Variants in KAZN observed in about 807,000 individuals in gnomAD.
KAZN encodes kazrin.
KAZN carries 40 observed loss-of-function variants against 87.4 expected under a neutral mutation model. The observed-to-expected ratio is 0.46, with a 90% CI of 0.36 to 0.60. KAZN has a LOEUF of 0.60. Ranked by LOEUF, KAZN falls within the 20% of genes least tolerant of loss-of-function variation. KAZN has a pLI of 0.00. For synonymous variants in KAZN, 466 were observed against 458.3 expected (o/e 1.02, Z -0.22); for missense variants, 898 against 1,073.9 (o/e 0.84, Z 2.29).
At chr1:15,032,871 C>A (rs1015246998) in intron 2 of KAZN, among the ~76,000 whole-genome samples, 2 of 151,994 alleles carry the variant, frequency 1.3e-5, no homozygotes, top group African/African-American at 4.8e-5. Context: ...ATCACTCGAA[C>A]CCGGGAGGCG....
intron 2 of KAZN, among the ~76,000 whole-genome samples, chr1:14,574,785 C>G (rs1030976358): frequency 8.5e-5 from 13 of 152,130 alleles, no homozygotes; most frequent in African/African-American, 3.1e-4. Context: ...CCCTTGTGAG[C>G]TTTCAGCCCA....
At chr1:14,506,729 T>C (rs10754860) in intron 2 of KAZN, among the ~76,000 whole-genome samples, 123,293 of 152,220 alleles carry the variant, frequency 0.81, 50,210 homozygotes, top group South Asian at 0.84. Context: ...TCAAACACGG[T>C]GCCAGGGACA....
At chr1:14,924,381 C>G in intron 1 of KAZN, 1 of 989,236 alleles carries the variant, frequency 1.0e-6, no homozygotes, top group Non-Finnish European at 1.2e-6. Flanking sequence ...GCGGCCGACT[C>G]GGGCTCGTGG....
intron 2 of KAZN, among the ~76,000 whole-genome samples, chr1:14,325,473 A>G (rs1265042635): frequency 6.6e-6 from 1 of 152,214 alleles, no homozygotes; most frequent in Admixed American, 6.5e-5. Flanking sequence ...ATCACTGGAC[A>G]CAGCTGATCT....
intron 1 of KAZN, among the ~76,000 whole-genome samples, chr1:14,091,039 G>C (rs918337855): frequency 1.3e-5 from 2 of 150,398 alleles, no homozygotes; most frequent in African/African-American, 2.5e-5. Flanking sequence ...TTGAACCCAG[G>C]AGGCAGAGGT....
At chr1:14,227,764 C>G (rs1423586257) in intron 2 of KAZN, among the ~76,000 whole-genome samples, 1 of 152,186 alleles carries the variant, frequency 6.6e-6, no homozygotes, top group East Asian at 1.9e-4. Context: ...AAATTTCCAA[C>G]AAAACAGCGG....
chr1:14,144,607 T>C (rs1570859021), intron 1 of KAZN, among the ~76,000 whole-genome samples: 1 of 152,102 alleles, frequency 6.6e-6, no homozygotes, highest in East Asian at 1.9e-4. Flanking sequence ...GTCCATTTTG[T>C]GTTGCTATAA....
At chr1:14,730,146 C>T (rs897117383) in intron 1 of KAZN, among the ~76,000 whole-genome samples, 2 of 152,050 alleles carry the variant, frequency 1.3e-5, no homozygotes, top group Non-Finnish European at 2.9e-5. Context: ...TGCAGTGGCG[C>T]GATCTCGGCT....
chr1:13,994,020 T>G lies in KAZN; in HGVS notation c.91+100264T>G, dbSNP rs143367302. Among the ~76,000 whole-genome samples, 462 of 152,366 alleles carry G rather than the reference T, an allele frequency of 3.0e-3. 4 individuals carry two copies. Among genetic ancestry groups the G allele is most frequent in the Non-Finnish European group, 1.1e-3 (76 of 68,036 alleles). On this transcript the variant is annotated intron_variant, in intron 1 of 16. Transcript: ENST00000636203. ...TCCATCTGGAATGAAGTCTGAATTTTTATCCAAAAAGGACCTCGTTCCACT... is the reference window on the plus strand; with the variant it reads ...TCCATCTGGAATGAAGTCTGAATTTGTATCCAAAAAGGACCTCGTTCCACT...
intron 2 of KAZN, among the ~76,000 whole-genome samples, chr1:14,194,024 A>G (rs981886830): frequency 6.6e-6 from 1 of 152,010 alleles, no homozygotes; most frequent in African/African-American, 2.4e-5. Context: ...CTTTCTTTTC[A>G]TCATCATTAC....
At chr1:14,758,145 TCCTCCCTTCCTC>T (rs1644625887) in intron 1 of KAZN, among the ~76,000 whole-genome samples, 1 of 99,840 alleles carries the variant, frequency 1.0e-5, no homozygotes, top group African/African-American at 4.7e-5. Context: ...CTTCCCTCCT[TCCTCCCTTCCTC>T]CCTCCCTCCC....
rs1047024203 is a variant in KAZN at position 14,949,822 on chromosome 1, G to A, written c.227-10862G>A. On this transcript the variant is annotated intron_variant, in intron 1 of 14. Coordinates refer to ENST00000376030, the MANE Select transcript of KAZN (RefSeq NM_201628.3). This position sits in a 1 kb window ranked among gnomAD's most constrained non-coding sequence, Gnocchi z 4.3. ...GTGAGGGGTGGGTGAAGGCATGCAG[G>A]AGAGTACAGGTTTTCTGGGGTGTGG... 2.6e-5 allele frequency among the ~76,000 whole-genome samples: 4 copies of A among 152,124 alleles called. No individual in the cohort carries two copies. In the South Asian group the frequency reaches 8.3e-4, roughly 32 times the overall value.
chr1:14,965,106 A>AC (rs1161277819), intron 2 of KAZN, among the ~76,000 whole-genome samples: 2 of 151,108 alleles, frequency 1.3e-5, no homozygotes, highest in Non-Finnish European at 2.9e-5. Context: ...ATCTCAGCTC[A>AC]CTGCAACCTC....
chr1:14,332,997 C>T (rs1180130025), intron 2 of KAZN, among the ~76,000 whole-genome samples: 2 of 152,182 alleles, frequency 1.3e-5, no homozygotes, highest in East Asian at 1.9e-4. Context: ...GTATTAAGCC[C>T]AGCATGCATT....
chr1:14,982,711 C>A (rs1198335536), intron 2 of KAZN, among the ~76,000 whole-genome samples: 1 of 152,178 alleles, frequency 6.6e-6, no homozygotes, highest in Non-Finnish European at 1.5e-5. Context: ...AGGCGTGAGC[C>A]ACTGTGCCTG....
Position 14,581,457 on chromosome 1 carries a change from T to C in KAZN, c.250-17526T>C, listed in dbSNP as rs139770633. Among the ~76,000 whole-genome samples the C allele has an allele frequency of 2.7e-4, 41 of 152,314 alleles. No homozygotes were observed. The East Asian group carries it at 7.5e-3, about 28-fold the overall frequency. ...CACCTTTTAAACCACCGTGGTACCC[T>C]GCTAGATATGGCAACAGCTGCCTAC... On this transcript the variant is annotated intron_variant, in intron 2 of 16. Transcript: ENST00000636203.
At chr1:14,933,871 G>A (rs1660134215) in intron 1 of KAZN, among the ~76,000 whole-genome samples, 1 of 149,872 alleles carries the variant, frequency 6.7e-6, no homozygotes, top group African/African-American at 2.5e-5. Context: ...TTTATGAGAC[G>A]GAGTCTTGCT....
At chr1:14,596,980 TATGTTTA>T (rs1676549265), upstream of KAZN, among the ~76,000 whole-genome samples, 1 of 152,224 alleles carries the variant, frequency 6.6e-6, no homozygotes, top group Non-Finnish European at 1.5e-5. Flanking sequence ...ATGGTAATCC[TATGTTTA>T]ACTGTTCAAG....
intron 1 of KAZN, among the ~76,000 whole-genome samples, chr1:13,906,436 A>G (rs1425067611): frequency 1.3e-5 from 2 of 152,084 alleles, no homozygotes; most frequent in African/African-American, 4.8e-5. Flanking sequence ...GTAGGTGCTT[A>G]TAGGTGTGAG....
Sources: gnomAD v4.1 joint callset for allele counts (sites outside exome capture counted in the v4.1 genomes callset) on GRCh38, gnomAD v4.1.1 for gene constraint, Gnocchi (gnomAD v3.1) non-coding constraint, MANE v1.5 for transcripts, NCBI Gene and HGNC (gene_info 2026-07-23, HGNC 2026-07-21) for gene names.